Variants in CLSTN1 observed in about 807,000 individuals in gnomAD.
The protein encoded by CLSTN1 is calsyntenin-1.
In CLSTN1, 28 loss-of-function variants were observed where a neutral mutation model predicts 108.3. The ratio of observed to expected loss-of-function variants is 0.26; its 90% CI spans 0.19 to 0.35. The LOEUF (loss-of-function observed/expected upper bound fraction) is 0.35, where lower values mean the gene tolerates loss of function less well. CLSTN1 is among the 10% of genes least tolerant of loss of function. The probability of loss-of-function intolerance (pLI) is 1.00; values close to 1 mark genes in which losing one functional copy is unlikely to be tolerated. For synonymous variants in CLSTN1, 524 were observed against 534.9 expected (o/e 0.98, Z 0.28); for missense variants, 1,157 against 1,302.6 (o/e 0.89, Z 1.72).
intron 1 of CLSTN1, among the ~76,000 whole-genome samples, chr1:9,776,098 G>A (rs111820016): frequency 0.016 from 2,467 of 151,644 alleles, 60 homozygotes; most frequent in African/African-American, 0.056. Flanking sequence ...TCAGCCTCCC[G>A]AGTAGCTGGG....
intron 1 of CLSTN1, among the ~76,000 whole-genome samples, chr1:9,783,207 G>C (rs1200452760): frequency 6.6e-6 from 1 of 152,122 alleles, no homozygotes; most frequent in East Asian, 1.9e-4. Flanking sequence ...GCTCAACTTA[G>C]GATTTTTAGA....
intron 10 of CLSTN1, among the ~76,000 whole-genome samples, chr1:9,738,052 A>G (rs1650785854): frequency 6.6e-6 from 1 of 152,254 alleles, no homozygotes; most frequent in Non-Finnish European, 1.5e-5. Context: ...GGAAGTCTGT[A>G]TATTTTGGAA....
intron 1 of CLSTN1, among the ~76,000 whole-genome samples, chr1:9,776,788 C>T (rs1277360347): frequency 6.6e-6 from 1 of 151,754 alleles, no homozygotes; most frequent in Non-Finnish European, 1.5e-5. Flanking sequence ...ACCCACCTAT[C>T]TCTATCTATC....
Position 9,755,386 on chromosome 1 carries a change from C to T in CLSTN1, c.245-77G>A, listed in dbSNP as rs557836840. On this transcript the variant is annotated intron_variant, in intron 3 of 18. Coordinates refer to ENST00000377298, the MANE Select transcript of CLSTN1 (RefSeq NM_001009566.3). ...CACCTTGCCCTCCTCCCCCCATCTC[C>T]ACCCCCAAAGAAAATAAATGACAAC... 2.6e-4 allele frequency: 320 copies of T among 1,219,644 alleles called. 1 individual carries two copies. The highest frequency in any genetic ancestry group is 1.8e-3 in the South Asian group (125 of 68,906). The allele number at this position is 1,219,644 out of a possible 1,614,324, so 75.6% of individuals were successfully genotyped here.
chr1:9,778,515 A>G (rs1365396714), intron 1 of CLSTN1, among the ~76,000 whole-genome samples: 1 of 152,136 alleles, frequency 6.6e-6, no homozygotes, highest in Non-Finnish European at 1.5e-5. Flanking sequence ...GTTCTGAGCA[A>G]GAGAGCTAGA....
chr1:9,778,544 C>T (rs752289462), intron 1 of CLSTN1, among the ~76,000 whole-genome samples: 5 of 151,764 alleles, frequency 3.3e-5, no homozygotes, highest in Admixed American at 3.3e-4. Context: ...AGACAACGCA[C>T]GAAACCAACA....
rs770355435 is a variant in CLSTN1 at position 9,751,645 on chromosome 1, C to T, written c.477G>A (p.Glu159=). ...TVHIQVNDVN[E]YAPVFKEKSY... is the part of the protein sequence containing the mutation. ...ACTTCTCCTTGAACACGGGCGCGTA[C>T]TCATTCACGTCGTTCACCTGAATAT... The change falls in exon 5 of 19, where the codon GAG becomes GAA. Residue 159 remains glutamate (E), a synonymous_variant. Transcript: ENST00000377298. The T allele has an allele frequency of 1.2e-6, 2 of 1,614,170 alleles. No homozygotes were observed. The highest frequency in any genetic ancestry group is 1.7e-6 in the Non-Finnish European group (2 of 1,180,032).
chr1:9,783,951 C>T (rs1653364632), intron 1 of CLSTN1, among the ~76,000 whole-genome samples: 1 of 151,726 alleles, frequency 6.6e-6, no homozygotes, highest in Admixed American at 6.6e-5. Context: ...TGAGACCACA[C>T]TATTGCACTC....
At chr1:9,776,845 C>CTATCATCTATCAGCATTTATG (rs1652971893) in intron 1 of CLSTN1, among the ~76,000 whole-genome samples, 3 of 149,026 alleles carry the variant, frequency 2.0e-5, no homozygotes, top group African/African-American at 7.5e-5. Flanking sequence ...CAGCATTTAT[C>CTATCATCTATCAGCATTTATG]TATCATCTAT....
At chr1:9,731,133 G>A (rs748277648) in intron 18 of CLSTN1, 73 bp downstream of exon 18, 31 of 1,565,510 alleles carry the variant, frequency 2.0e-5, no homozygotes, top group South Asian at 8.9e-5. Flanking sequence ...TGAAGGAGCC[G>A]CGCCGTACCG....
At chr1:9,794,798 C>G (rs1341414318) in intron 1 of CLSTN1, among the ~76,000 whole-genome samples, 1 of 151,498 alleles carries the variant, frequency 6.6e-6, no homozygotes, top group Non-Finnish European at 1.5e-5. Context: ...CATCCTTAAT[C>G]AAAACATAAC....
chr1:9,792,092 G>C (rs1264490921), intron 1 of CLSTN1, among the ~76,000 whole-genome samples: 3 of 151,062 alleles, frequency 2.0e-5, no homozygotes, highest in Non-Finnish European at 4.4e-5. Flanking sequence ...TGGGGCAGGA[G>C]AATCATTTGA....
At chr1:9,750,271 A>G (rs1651490221) in intron 5 of CLSTN1, 1 of 189,762 alleles carries the variant, frequency 5.3e-6, no homozygotes, top group African/African-American at 2.4e-5. Context: ...CTGATCAAAC[A>G]TTTACTATAT....
intron 13 of CLSTN1, 110 bp from the exon 14 acceptor site, chr1:9,735,284 G>A (rs1650624555): frequency 1.4e-6 from 2 of 1,381,380 alleles, no homozygotes; most frequent in South Asian, 2.4e-5. Flanking sequence ...ACACCTGCCG[G>A]GGCCACTCCA....
At chr1:9,735,214 C>G in intron 13 of CLSTN1, 40 bp from the exon 14 acceptor site, 1 of 1,603,494 alleles carries the variant, frequency 6.2e-7, no homozygotes, top group Non-Finnish European at 8.5e-7. Context: ...GCTTTGGGAG[C>G]CGATCTTGGA....
At chr1:9,790,256 G>T (rs1013981678) in intron 1 of CLSTN1, among the ~76,000 whole-genome samples, 3 of 151,280 alleles carry the variant, frequency 2.0e-5, no homozygotes, top group Non-Finnish European at 2.9e-5. Flanking sequence ...TCACCTTTAA[G>T]TATGTTTATT....
chr1:9,775,173 T>C (rs909238360), intron 1 of CLSTN1, among the ~76,000 whole-genome samples: 1 of 152,130 alleles, frequency 6.6e-6, no homozygotes, highest in Non-Finnish European at 1.5e-5. Context: ...ACTGACCTCC[T>C]ACCTCATCCT....
chr1:9,780,754 T>C (rs1459799809), intron 1 of CLSTN1: 1 of 156,174 alleles, frequency 6.4e-6, no homozygotes, highest in Non-Finnish European at 1.4e-5. Context: ...ACGTGTCACC[T>C]ATGTCGGAAG....
intron 2 of CLSTN1, among the ~76,000 whole-genome samples, chr1:9,772,351 A>G (rs1652733927): frequency 6.6e-6 from 1 of 151,882 alleles, no homozygotes; most frequent in South Asian, 2.1e-4. Flanking sequence ...TCTGTTGCCC[A>G]GGCTGGAGTG....
Sources: gnomAD v4.1 joint callset for allele counts (sites outside exome capture counted in the v4.1 genomes callset) on GRCh38, gnomAD v4.1.1 for gene constraint, MANE v1.5 for transcripts, NCBI Gene and HGNC (gene_info 2026-07-23, HGNC 2026-07-21) for gene names.